Variants in UPRT observed in about 807,000 individuals in gnomAD.
UPRT encodes the protein uracil phosphoribosyltransferase homolog, also known as RP11-311P8.3.
A neutral mutation model predicts 22.6 loss-of-function variants in UPRT; 5 were observed. The ratio of observed to expected loss-of-function variants is 0.22; its 90% CI spans 0.12 to 0.47. UPRT has a LOEUF of 0.47. Ranked by LOEUF, UPRT falls within the 20% of genes least tolerant of loss-of-function variation. The probability of loss-of-function intolerance (pLI) is 0.99; values close to 1 mark genes in which losing one functional copy is unlikely to be tolerated. For missense variants in UPRT, 181 were observed against 239.9 expected, an observed-to-expected ratio of 0.75 and a Z score of 1.62; for synonymous variants, 77 against 87.7, an observed-to-expected ratio of 0.88 and a Z score of 0.68.
Position 75,177,004 on chromosome X carries a change from T to C in UPRT, c.-447+9125T>C, listed in dbSNP as rs768724008. Among the ~76,000 whole-genome samples the C allele has an allele frequency of 9.0e-5, 10 of 111,422 alleles. No homozygotes were observed. In the South Asian group the frequency reaches 3.8e-3, roughly 43 times the overall value. On this transcript the variant is annotated intron_variant, in intron 4 of 13. Transcript: ENST00000652605. Reference sequence around the variant, plus strand: ...ATTGGTCCTAATGGCTTAGGATGCATTTCAAGGGTGAGCCTGTTGATGCCT... The same window carrying C: ...ATTGGTCCTAATGGCTTAGGATGCACTTCAAGGGTGAGCCTGTTGATGCCT...
chrX:75,235,793 T>C (rs1353374462), intron 4 of UPRT, among the ~76,000 whole-genome samples: 1 of 111,794 alleles, frequency 8.9e-6, no homozygotes, highest in Non-Finnish European at 1.9e-5. Context: ...TGCTGGGATG[T>C]ATCTCAAAAT....
At chrX:75,229,756 C>T (rs777632571) in intron 4 of UPRT, among the ~76,000 whole-genome samples, 1 of 112,234 alleles carries the variant, frequency 8.9e-6, no homozygotes, top group East Asian at 2.8e-4. Context: ...CATTCCTGGT[C>T]TTATCTCACA....
intron 4 of UPRT, among the ~76,000 whole-genome samples, chrX:75,213,712 CA>C (rs201520267): frequency 6.5e-5 from 7 of 107,805 alleles, no homozygotes; most frequent in East Asian, 5.8e-4. Context: ...GACTTCAGAG[CA>C]AAAAAAAAGT....
At chrX:75,165,777 T>TA (rs1325958483) in intron 3 of UPRT, among the ~76,000 whole-genome samples, 2 of 111,495 alleles carry the variant, frequency 1.8e-5, no homozygotes, top group Non-Finnish European at 3.8e-5. Flanking sequence ...TTTTCTTTTT[T>TA]AAAAAAGTAG....
At chrX:75,232,000 G>A (rs746895370) in intron 4 of UPRT, among the ~76,000 whole-genome samples, 66 of 112,030 alleles carry the variant, frequency 5.9e-4, no homozygotes, top group Non-Finnish European at 1.0e-3. Flanking sequence ...CAGAAGCCGG[G>A]TGATTTCTGC....
Position 75,274,250 on chromosome X carries a change from G to A in UPRT, c.-5G>A. On this transcript the variant is annotated 5_prime_UTR_variant, in exon 1 of 7. Coordinates refer to ENST00000373383, the MANE Select transcript of UPRT (RefSeq NM_145052.4). ...TAGCAGCGGGGATAGCCCGGGGCCC[G>A]GTGTATGGCCACGGAGTTACAGTGT... The A allele has an allele frequency of 8.4e-7, 1 of 1,192,178 alleles. No individual in the cohort carries two copies. The highest frequency in any genetic ancestry group is 3.0e-5 in the East Asian group (1 of 33,520).
chrX:75,156,926 C>CACACACACACACAGAG (rs748263766), intron 1 of UPRT, among the ~76,000 whole-genome samples: 14 of 108,982 alleles, frequency 1.3e-4, no homozygotes, highest in African/African-American at 4.7e-4. Flanking sequence ...CACACACACA[C>CACACACACACACAGAG]AGAGAGACTA....
At chrX:75,274,686 G>A (rs1435630039) in intron 1 of UPRT, 46 bp downstream of exon 1, 1 of 1,139,116 alleles carries the variant, frequency 8.8e-7, no homozygotes, top group Non-Finnish European at 1.2e-6. Context: ...GGTCTTGCAG[G>A]CTGTGGGCGG....
chrX:75,289,754 C>T (rs1159895758), intron 1 of UPRT, among the ~76,000 whole-genome samples: 7 of 111,676 alleles, frequency 6.3e-5, no homozygotes, highest in African/African-American at 1.3e-4. Flanking sequence ...GCTGGCTATC[C>T]ATATGCAGAA....
At chrX:75,178,441 G>A (rs945443049) in intron 4 of UPRT, among the ~76,000 whole-genome samples, 3 of 111,977 alleles carry the variant, frequency 2.7e-5, no homozygotes, top group South Asian at 3.7e-4. Context: ...AAGTCCCTTC[G>A]TGGTCACCAA....
At position 75,236,195 on chromosome X, in the gene UPRT, A is replaced by G. The variant is rs778989622; in HGVS notation, c.-446-54829A>G. Among the ~76,000 whole-genome samples, 3 of 111,713 alleles carry G rather than the reference A, an allele frequency of 2.7e-5. No individual in the cohort carries two copies. In the East Asian group the frequency reaches 8.4e-4, roughly 31 times the overall value. ...CCAAATCATGATTGAACTCCCATTC[A>G]CAATTGCTTCAAAGAGAATAAAATA... On this transcript the variant is annotated intron_variant, in intron 4 of 13. Transcript: ENST00000652605.
chrX:75,212,253 A>G (rs2082382140), intron 4 of UPRT, among the ~76,000 whole-genome samples: 1 of 112,323 alleles, frequency 8.9e-6, no homozygotes, highest in African/African-American at 3.2e-5. Context: ...GCCGCATGGC[A>G]CTTACTCTAA....
intron 1 of UPRT, among the ~76,000 whole-genome samples, chrX:75,282,494 A>G (rs2082662377): frequency 1.8e-5 from 2 of 111,307 alleles, no homozygotes; most frequent in Non-Finnish European, 1.9e-5. Flanking sequence ...TTCAGTTTGA[A>G]GAATTTTTAA....
chrX:75,252,157 G>A (rs1018281062), intron 4 of UPRT, among the ~76,000 whole-genome samples: 2 of 111,925 alleles, frequency 1.8e-5, no homozygotes, highest in African/African-American at 6.5e-5. Context: ...CATGTGTAAG[G>A]ACTTCATGTC....
intron 4 of UPRT, among the ~76,000 whole-genome samples, chrX:75,264,876 G>T (rs984718094): frequency 1.8e-5 from 2 of 111,828 alleles, no homozygotes; most frequent in African/African-American, 3.3e-5. Flanking sequence ...GGCAGGCCTG[G>T]TGGTGACAAA....
chrX:75,278,426 G>A (rs1381837449), intron 1 of UPRT, among the ~76,000 whole-genome samples: 1 of 112,070 alleles, frequency 8.9e-6, no homozygotes, highest in Non-Finnish European at 1.9e-5. Flanking sequence ...TCAGCCATAC[G>A]TATGTGGGTT....
rs1321808146 is a variant in UPRT, at chrX:75,274,222, C to T, written c.-33C>T. 2.5e-6 allele frequency: 3 copies of T among 1,176,589 alleles called. No individual in the cohort carries two copies. The highest frequency in any genetic ancestry group is 3.4e-6 in the Non-Finnish European group (3 of 876,269). On this transcript the variant is annotated 5_prime_UTR_variant, in exon 1 of 7. Coordinates refer to ENST00000373383, the MANE Select transcript of UPRT (RefSeq NM_145052.4). Reference sequence around the variant, plus strand: ...CCCGTTCCTCTTTATCTTTAGTGTTCAGTAGCAGCGGGGATAGCCCGGGGC... The same window carrying T: ...CCCGTTCCTCTTTATCTTTAGTGTTTAGTAGCAGCGGGGATAGCCCGGGGC...
At chrX:75,294,745 T>C in intron 2 of UPRT, 1 of 361,917 alleles carries the variant, frequency 2.8e-6, no homozygotes, top group East Asian at 1.4e-4. Flanking sequence ...GTTACGTCAT[T>C]CTGTCTTTTA....
chrX:75,243,637 T>G (rs2082495180), intron 4 of UPRT, among the ~76,000 whole-genome samples: 1 of 111,564 alleles, frequency 9.0e-6, no homozygotes, highest in African/African-American at 3.2e-5. Context: ...CAAATGCTTA[T>G]TAGCTAATAT....
Sources: gnomAD v4.1 joint callset for allele counts (sites outside exome capture counted in the v4.1 genomes callset) on GRCh38, gnomAD v4.1.1 for gene constraint, MANE v1.5 for transcripts, NCBI Gene and HGNC (gene_info 2026-07-23, HGNC 2026-07-21) for gene names.